Variants in RFC3 observed in about 807,000 individuals in gnomAD.
RFC3 encodes replication factor C subunit 3.
RFC3 carries 41 observed loss-of-function variants against 45.1 expected under a neutral mutation model. That is an observed-to-expected ratio of 0.91 (90% CI 0.71 to 1.18). The LOEUF is 1.18. Among genes scored for constraint, RFC3 ranks in the 50% most tolerant of loss-of-function variants. The pLI is 0.00. For synonymous variants in RFC3, 149 were observed against 144.0 expected, an observed-to-expected ratio of 1.03 and a Z score of -0.25; for missense variants, 423 against 428.1, an observed-to-expected ratio of 0.99 and a Z score of 0.10.
At chr13:33,905,022 G>A (rs1303265874) in intron 8 of RFC3, among the ~76,000 whole-genome samples, 2 of 152,160 alleles carry the variant, frequency 1.3e-5, no homozygotes, top group African/African-American at 2.4e-5. Flanking sequence ...GGAGAGAGCT[G>A]TGACCAGAGA....
intron 8 of RFC3, among the ~76,000 whole-genome samples, chr13:33,871,057 A>G (rs1254349546): frequency 6.6e-6 from 1 of 152,214 alleles, no homozygotes; most frequent in Non-Finnish European, 1.5e-5. Flanking sequence ...TGGTAAATCA[A>G]GGCCCAGAGA....
At chr13:33,860,767 A>G (rs1010393217) in intron 8 of RFC3, among the ~76,000 whole-genome samples, 1 of 152,194 alleles carries the variant, frequency 6.6e-6, no homozygotes, top group Admixed American at 6.5e-5. Flanking sequence ...GGCAACCGCC[A>G]ATTAACGTCC....
chr13:33,970,640 G>A (rs2083105974), downstream of RFC3, among the ~76,000 whole-genome samples: 2 of 152,200 alleles, frequency 1.3e-5, no homozygotes. Flanking sequence ...TAGGGGAAAG[G>A]GAAAAGAGGC....
At chr13:33,906,596 A>T (rs374118456) in intron 8 of RFC3, among the ~76,000 whole-genome samples, 2 of 152,044 alleles carry the variant, frequency 1.3e-5, no homozygotes, top group African/African-American at 4.8e-5. Flanking sequence ...CCCTTTTATG[A>T]AAGGGCTACT....
intron 7 of RFC3, among the ~76,000 whole-genome samples, chr13:33,834,738 A>G (rs989428908): frequency 6.6e-6 from 1 of 152,132 alleles, no homozygotes; most frequent in African/African-American, 2.4e-5. Context: ...AAAGAAAAAC[A>G]TATTACTTGA....
downstream of RFC3, among the ~76,000 whole-genome samples, chr13:33,969,911 T>G (rs567303595): frequency 2.0e-3 from 261 of 128,314 alleles, 2 homozygotes; most frequent in African/African-American, 7.6e-3. Flanking sequence ...GTCAGATTTG[T>G]TTTTTTTTTT....
chr13:33,953,968 ACT>A (rs886949912), intron 8 of RFC3, among the ~76,000 whole-genome samples: 14 of 152,178 alleles, frequency 9.2e-5, no homozygotes, highest in African/African-American at 1.4e-4. Flanking sequence ...GTGTTGCATA[ACT>A]CTGAAAATCT....
chr13:33,821,354 C>G (rs1593603818), intron 2 of RFC3, 85 bp downstream of exon 2: 1 of 1,294,914 alleles, frequency 7.7e-7, no homozygotes, highest in East Asian at 2.3e-5. Context: ...AACTCAGTTG[C>G]TTCCTAATGT....
In RFC3 at chr13:33,893,736, T is replaced by G. The variant is rs141144441; in HGVS notation, c.879+58519T>G. Among the ~76,000 whole-genome samples the G allele has an allele frequency of 5.9e-4, 89 of 151,876 alleles. 1 individual carries two copies. In the East Asian group the frequency reaches 0.016, roughly 26 times the overall value. Reference sequence around the variant, plus strand: ...GAACTGAGAAATACATTTGCTGAATTGAAAAATTTATTAGAGGCTCTCAAC... The same window carrying G: ...GAACTGAGAAATACATTTGCTGAATGGAAAAATTTATTAGAGGCTCTCAAC... On this transcript the variant is annotated intron_variant, in intron 8 of 8. Coordinates refer to the RFC3 transcript ENST00000434425.
At chr13:33,977,177 C>T in the RFC3 span, among the ~76,000 whole-genome samples, 7,123 of 152,160 alleles carry the variant, frequency 0.047, 531 homozygotes, top group African/African-American at 0.16. Context: ...TAAGGCAACA[C>T]GGTGACTAAT....
intron 8 of RFC3, among the ~76,000 whole-genome samples, chr13:33,876,683 A>G (rs536770109): frequency 2.0e-5 from 3 of 152,312 alleles, no homozygotes; most frequent in East Asian, 3.9e-4. Flanking sequence ...GACCTCCAAA[A>G]ATGTGTACAT....
At chr13:33,858,371 A>G (rs534189910) in intron 8 of RFC3, among the ~76,000 whole-genome samples, 1 of 152,322 alleles carries the variant, frequency 6.6e-6, no homozygotes, top group East Asian at 1.9e-4. Context: ...AAAACCCATA[A>G]TAAAGAATAA....
At chr13:33,919,549 C>T (rs1272942113) in intron 8 of RFC3, among the ~76,000 whole-genome samples, 1 of 152,012 alleles carries the variant, frequency 6.6e-6, no homozygotes, top group African/African-American at 2.4e-5. Flanking sequence ...AAACTGATCA[C>T]CTAGAAAAGT....
intron 8 of RFC3, among the ~76,000 whole-genome samples, chr13:33,890,754 G>T (rs1222268324): frequency 6.6e-6 from 1 of 152,136 alleles, no homozygotes; most frequent in Non-Finnish European, 1.5e-5. Flanking sequence ...TCTTATTGAT[G>T]ATGAACATTG....
chr13:33,890,834 G>C (rs2082558891), intron 8 of RFC3, among the ~76,000 whole-genome samples: 1 of 152,066 alleles, frequency 6.6e-6, no homozygotes, highest in Non-Finnish European at 1.5e-5. Flanking sequence ...ATTCAAACTA[G>C]GCCAATGGGA....
intron 8 of RFC3, among the ~76,000 whole-genome samples, chr13:33,864,319 A>G (rs2082360076): frequency 6.6e-6 from 1 of 152,198 alleles, no homozygotes; most frequent in Non-Finnish European, 1.5e-5. Context: ...TTTGGAGGGG[A>G]CAATTATCCA....
At chr13:33,844,704 G>T (rs1208642111) in intron 8 of RFC3, among the ~76,000 whole-genome samples, 1 of 151,844 alleles carries the variant, frequency 6.6e-6, no homozygotes, top group Non-Finnish European at 1.5e-5. Context: ...TTAACTTTTG[G>T]TTATTTCTGT....
At chr13:33,909,531 GT>G (rs2137694953) in intron 8 of RFC3, among the ~76,000 whole-genome samples, 1 of 151,758 alleles carries the variant, frequency 6.6e-6, no homozygotes, top group Non-Finnish European at 1.5e-5. Flanking sequence ...TATTCTTCCT[GT>G]TACCCCTCTC....
chr13:33,825,257 T>G (rs1475067956), intron 3 of RFC3, among the ~76,000 whole-genome samples: 1 of 152,138 alleles, frequency 6.6e-6, no homozygotes, highest in African/African-American at 2.4e-5. Context: ...GTTTTGACTT[T>G]GTGTCTTAAA....
Sources: gnomAD v4.1 joint callset for allele counts (sites outside exome capture counted in the v4.1 genomes callset) on GRCh38, gnomAD v4.1.1 for gene constraint, MANE v1.5 for transcripts, NCBI Gene and HGNC (gene_info 2026-07-23, HGNC 2026-07-21) for gene names.